Variants in THAP12 observed in about 807,000 individuals in gnomAD.
The protein encoded by THAP12 is THAP domain containing 12.
THAP12 carries 20 observed loss-of-function variants against 63.0 expected under a neutral mutation model. The ratio of observed to expected loss-of-function variants is 0.32; its 90% CI spans 0.22 to 0.46. The LOEUF (loss-of-function observed/expected upper bound fraction) is 0.46, where lower values mean the gene tolerates loss of function less well. Ranked by LOEUF, THAP12 falls within the 20% of genes least tolerant of loss-of-function variation. The probability of loss-of-function intolerance (pLI) is 1.00; values close to 1 mark genes in which losing one functional copy is unlikely to be tolerated. For synonymous variants in THAP12, 264 were observed against 328.4 expected (o/e 0.80, Z 2.12); for missense variants, 568 against 908.2 (o/e 0.63, Z 4.81).
chr11:76,361,217 C>T, intron 2 of THAP12, 154 bp from the exon 3 acceptor site: 3 of 527,188 alleles, frequency 5.7e-6, no homozygotes, highest in Non-Finnish European at 1.0e-5. Context: ...GGTCAGTCTA[C>T]TATTTCCAAC....
Position 76,380,940 on chromosome 11 carries a change from T to C in THAP12, c.-104A>G, listed in dbSNP as rs1327028707. On this transcript the variant is annotated 5_prime_UTR_variant, in exon 1 of 5. Coordinates refer to ENST00000260045, the MANE Select transcript of THAP12 (RefSeq NM_004705.4). ...AGGGGAGCCAGGCCGGCCGGCCGGC[T>C]CGGCAGGGCCGACGCGCGGGGGAGG... 1.7e-6 allele frequency: 1 copy of C among 581,858 alleles called. No individual in the cohort carries two copies. Among genetic ancestry groups the C allele is most frequent in the South Asian group, 8.1e-5 (1 of 12,374 alleles). The allele number at this position is 581,858 out of a possible 1,614,324, so 36.0% of individuals were successfully genotyped here.
In THAP12 at chr11:76,351,646, C is replaced by T; in HGVS notation, c.1504G>A (p.Gly502Arg). ...FTRAFGKNLQ[G>R]QTSDVFFAAG... ...GCAAAGAAGACATCAGAGGTTTGCCCCTGGAGGTTTTTCCCAAAGGCTCTT... is the reference window on the plus strand; with the variant it reads ...GCAAAGAAGACATCAGAGGTTTGCCTCTGGAGGTTTTTCCCAAAGGCTCTT... Residue 502 changes from glycine (G) to arginine (R), a missense_variant, in exon 5 of 5, where the codon GGG becomes AGG. Transcript: ENST00000260045. The T allele has an allele frequency of 3.2e-6, 5 of 1,582,480 alleles. No individual in the cohort carries two copies. The highest frequency in any genetic ancestry group is 1.2e-5 in the South Asian group (1 of 86,666).
At chr11:76,363,623 C>G (rs1426838045) in intron 2 of THAP12, among the ~76,000 whole-genome samples, 1 of 152,130 alleles carries the variant, frequency 6.6e-6, no homozygotes, top group African/African-American at 2.4e-5. Context: ...CAGTCTCACT[C>G]TGTCACCAAG....
rs762165211 is a variant in THAP12, at chr11:76,375,701, T to TC, written c.89+5046dup. Among the ~76,000 whole-genome samples, 5 of 130,984 alleles carry TC rather than the reference T, an allele frequency of 3.8e-5. No individual in the cohort carries two copies. In the East Asian group the frequency reaches 9.4e-4, roughly 24 times the overall value. 85.9% of individuals were successfully genotyped at this position (130,984 alleles called of 152,430 possible). On this transcript the variant is annotated intron_variant, in intron 1 of 4. Transcript: ENST00000260045. The stretch of plus-strand genomic sequence containing the variant: ...GCATTTGAAGACTAGACTGGCAATG[T>TC]CACCTTTTATCAACCTTCCCTACAA...
intron 4 of THAP12, 124 bp downstream of exon 4, chr11:76,355,494 T>A: frequency 1.2e-6 from 1 of 850,792 alleles, no homozygotes. Context: ...AGGACAAAAT[T>A]GAGCACACTC....
chr11:76,365,918 A>T lies in THAP12; in HGVS notation c.144T>A (p.Pro48=). Residue 48 remains proline, a synonymous_variant, in exon 2 of 5, where the codon CCT becomes CCA. Coordinates refer to ENST00000260045, the MANE Select transcript of THAP12 (RefSeq NM_004705.4). The part of the protein sequence containing the change: ...CRRADLEDKT[P]DQLNKHYRLC... ...ATCGATAATGTTTATTTAGCTGATC[A>T]GGTGTTTTATCTTCTAAGTCTGCTC... 6.2e-7 allele frequency: 1 copy of T among 1,613,310 alleles called. No homozygotes were observed. Among genetic ancestry groups the T allele is most frequent in the Non-Finnish European group, 8.5e-7 (1 of 1,179,350 alleles).
chr11:76,379,885 CAT>C (rs1946739162), intron 1 of THAP12, among the ~76,000 whole-genome samples: 1 of 152,144 alleles, frequency 6.6e-6, no homozygotes, highest in Non-Finnish European at 1.5e-5. Flanking sequence ...TAATAAATAA[CAT>C]AAATTATAGT....
At chr11:76,355,848 TC>T in intron 3 of THAP12, 194 bp from the exon 4 acceptor site, 2 of 432,014 alleles carry the variant, frequency 4.6e-6, no homozygotes. Context: ...TGTTAATGAC[TC>T]CAAGGTTATA....
In THAP12 at chr11:76,350,670, C is replaced by A. The variant is rs1386792684; in HGVS notation, c.*194G>T. On this transcript the variant is annotated 3_prime_UTR_variant, in exon 5 of 5. Coordinates refer to ENST00000260045, the MANE Select transcript of THAP12 (RefSeq NM_004705.4). The stretch of plus-strand genomic sequence containing the variant: ...GGAAACATGGCACTTTCAACGTTCT[C>A]TTCTGGAAGAACAGGTAGGTCTTCA... 3.9e-6 allele frequency: 2 copies of A among 508,994 alleles called. No individual in the cohort carries two copies. The highest frequency in any genetic ancestry group is 4.0e-5 in the African/African-American group (2 of 50,080). 31.5% of individuals were successfully genotyped at this position (508,994 alleles called of 1,614,324 possible).
intron 2 of THAP12, among the ~76,000 whole-genome samples, chr11:76,362,253 A>G (rs1946602583): frequency 6.6e-6 from 1 of 152,250 alleles, no homozygotes; most frequent in South Asian, 2.1e-4. Context: ...CTTTCTTTGA[A>G]GCAGTGATTA....
intron 2 of THAP12, among the ~76,000 whole-genome samples, chr11:76,363,970 C>G (rs75905078): frequency 0.033 from 5,076 of 152,058 alleles, 301 homozygotes; most frequent in African/African-American, 0.12. Flanking sequence ...CTCACATTTG[C>G]GTTCATTTAT....
intron 1 of THAP12, among the ~76,000 whole-genome samples, chr11:76,367,027 T>C (rs1946635978): frequency 1.3e-5 from 2 of 152,130 alleles, no homozygotes; most frequent in South Asian, 4.1e-4. Flanking sequence ...CACAGAAATA[T>C]TAAGTAACTT....
In THAP12 at chr11:76,350,459, T is replaced by C. The variant is rs1479417200; in HGVS notation, c.*405A>G. The C allele has an allele frequency of 1.3e-5, 2 of 154,570 alleles. No homozygotes were observed. The highest frequency in any genetic ancestry group is 2.9e-5 in the Non-Finnish European group (2 of 69,702). 9.6% of individuals were successfully genotyped at this position (154,570 alleles called of 1,614,324 possible). ...ACTTAAAACTCCTATTAGTCAAAGG[T>C]CAATTGTGGGCTTCACTACAACATT... On this transcript the variant is annotated 3_prime_UTR_variant, in exon 5 of 5. Coordinates refer to ENST00000260045, the MANE Select transcript of THAP12 (RefSeq NM_004705.4).
rs763805587 is a variant in THAP12 at position 76,352,807 on chromosome 11, G to T, written c.356-13C>A. The T allele has an allele frequency of 5.3e-6, 8 of 1,498,220 alleles. No homozygotes were observed. Among genetic ancestry groups the T allele is most frequent in the South Asian group, 1.4e-5 (1 of 71,098 alleles). 92.8% of individuals were successfully genotyped at this position (1,498,220 alleles called of 1,614,324 possible). The stretch of plus-strand genomic sequence containing the variant: ...GAAGTTTCATCAACTGGAAAACAAA[G>T]AATTAATTTTACAAACAGGCTCATG... On this transcript the variant is annotated splice_polypyrimidine_tract_variant and intron_variant, in intron 4 of 4. Coordinates refer to ENST00000260045, the MANE Select transcript of THAP12 (RefSeq NM_004705.4).
intron 3 of THAP12, chr11:76,358,078 A>G (rs1470839428): frequency 6.6e-6 from 1 of 152,152 alleles, no homozygotes; most frequent in South Asian, 2.1e-4. Flanking sequence ...ACCAATAAAG[A>G]TAGCAGAATG....
chr11:76,378,986 C>T (rs1946730529), intron 1 of THAP12, among the ~76,000 whole-genome samples: 4 of 152,110 alleles, frequency 2.6e-5, no homozygotes, highest in Middle Eastern at 3.2e-3. Context: ...CTGCTCTTCC[C>T]AGTCTTCCCT....
chr11:76,377,258 T>A (rs1001290079), intron 1 of THAP12, among the ~76,000 whole-genome samples: 2 of 152,236 alleles, frequency 1.3e-5, no homozygotes, highest in Non-Finnish European at 2.9e-5. Flanking sequence ...GGTGAAATTC[T>A]CATAACATAA....
intron 1 of THAP12, among the ~76,000 whole-genome samples, chr11:76,366,556 C>CT (rs1391293815): frequency 2.0e-5 from 3 of 152,184 alleles, no homozygotes; most frequent in Non-Finnish European, 2.9e-5. Flanking sequence ...CGGCGAGCGC[C>CT]TGTAGTCCCA....
At position 76,365,912 on chromosome 11, in the gene THAP12, C is replaced by G; in HGVS notation, c.150G>C (p.Gln50His). The G allele has an allele frequency of 6.2e-7, 1 of 1,613,254 alleles. No homozygotes were observed. The highest frequency in any genetic ancestry group is 1.7e-4 in the Middle Eastern group (1 of 6,060). ...CACATAATCGATAATGTTTATTTAG[C>G]TGATCAGGTGTTTTATCTTCTAAGT... The part of the protein sequence containing the change: ...RADLEDKTPD[Q>H]LNKHYRLCAK... The change falls in exon 2 of 5, where the codon CAG (glutamine) becomes CAC (histidine). Residue 50 changes from glutamine to histidine, a missense_variant. Transcript: ENST00000260045.
Sources: allele counts gnomAD v4.1 joint callset (sites outside exome capture counted in the v4.1 genomes callset), GRCh38; gene constraint gnomAD v4.1.1; transcripts MANE v1.5; gene names NCBI Gene and HGNC (gene_info 2026-07-23, HGNC 2026-07-21).